NFATC2: variants seen among roughly 807,000 people sequenced by gnomAD.
The protein encoded by NFATC2 is nuclear factor of activated T-cells, cytoplasmic 2.
In NFATC2, 22 loss-of-function variants were observed where a neutral mutation model predicts 87.3. The observed-to-expected ratio is 0.25, with a 90% CI of 0.18 to 0.36. NFATC2 has a LOEUF of 0.36. Among genes scored for constraint, NFATC2 ranks in the 10% least tolerant of loss-of-function variants. The probability of loss-of-function intolerance (pLI) is 1.00; values close to 1 mark genes in which losing one functional copy is unlikely to be tolerated. For synonymous variants in NFATC2, 565 were observed against 542.2 expected, an observed-to-expected ratio of 1.04 and a Z score of -0.58; for missense variants, 1,149 against 1,259.1, an observed-to-expected ratio of 0.91 and a Z score of 1.32.
chr20:51,410,874 T>C (rs1339323760), intron 9 of NFATC2, among the ~76,000 whole-genome samples: 2 of 152,236 alleles, frequency 1.3e-5, no homozygotes, highest in African/African-American at 2.4e-5. Flanking sequence ...TATTTCTTTC[T>C]GGCATTTTTT....
chr20:51,427,406 G>A (rs543552237), intron 9 of NFATC2, among the ~76,000 whole-genome samples: 1 of 152,216 alleles, frequency 6.6e-6, no homozygotes, highest in African/African-American at 2.4e-5. Context: ...CCTGTGTATT[G>A]ATCACATTTG....
Position 51,388,640 on chromosome 20 carries a change from T to C in NFATC2, c.*2856A>G, listed in dbSNP as rs1986017349. ...AAGCATAAAAATACAGGTAAGAAAA[T>C]AAAATTTAATAACATACTAATCTGG... On this transcript the variant is annotated 3_prime_UTR_variant, in exon 11 of 11. Transcript: ENST00000371564. The C allele has an allele frequency of 6.6e-6, 1 of 152,008 alleles. No homozygotes were observed. The highest frequency in any genetic ancestry group is 1.5e-5 in the Non-Finnish European group (1 of 67,974). The allele number at this position is 152,008 out of a possible 1,614,324, so 9.4% of individuals were successfully genotyped here.
intron 8 of NFATC2, among the ~76,000 whole-genome samples, chr20:51,433,948 A>G (rs995441084): frequency 1.3e-5 from 2 of 152,162 alleles, no homozygotes; most frequent in African/African-American, 4.8e-5. Flanking sequence ...AGCCACACTC[A>G]ACCAGACAAG....
At position 51,474,534 on chromosome 20, in the gene NFATC2, A is replaced by T. The variant is rs111606410; in HGVS notation, c.1536-382T>A. ...TATGAGAGCATCCTTGCTCTTAGGA[A>T]ATGCATCCTGAAGTATTTAAAAGTA... On this transcript the variant is annotated intron_variant, in intron 4 of 10. Coordinates refer to ENST00000371564, the MANE Select transcript of NFATC2 (RefSeq NM_012340.5). 4.6e-5 allele frequency among the ~76,000 whole-genome samples: 7 copies of T among 152,354 alleles called. 1 individual carries two copies. The highest frequency in any genetic ancestry group is 1.2e-4 in the African/African-American group (5 of 41,578).
chr20:51,550,422 C>A (rs1192986602), intron 1 of NFATC2, among the ~76,000 whole-genome samples: 1 of 151,882 alleles, frequency 6.6e-6, no homozygotes, highest in East Asian at 1.9e-4. Flanking sequence ...GAAACCCCGT[C>A]TCTACTAAAA....
In NFATC2 at chr20:51,524,782, T is replaced by C. The variant is rs953567436; in HGVS notation, c.131-672A>G. The stretch of plus-strand genomic sequence containing the variant: ...TGTCTCATCTGTGTCATTTTACAAA[T>C]GAGGAAACTGAGGCCCAGAGCGGGG... On this transcript the variant is annotated intron_variant, in intron 1 of 10. Coordinates refer to ENST00000371564, the MANE Select transcript of NFATC2 (RefSeq NM_012340.5). This position sits in a 1 kb window ranked among gnomAD's most constrained non-coding sequence, Gnocchi z 4.0. 6.6e-6 allele frequency among the ~76,000 whole-genome samples: 1 copy of C among 151,966 alleles called. No homozygotes were observed.
In NFATC2 at chr20:51,477,582, A is replaced by T. The variant is rs6063654; in HGVS notation, c.1333-1922T>A. On this transcript the variant is annotated intron_variant, in intron 3 of 10. Coordinates refer to ENST00000371564, the MANE Select transcript of NFATC2 (RefSeq NM_012340.5). The stretch of plus-strand genomic sequence containing the variant: ...ATATATATATATATATATATATATA[A>T]AATAACAAGAGACAAAAGGACATTG... Among the ~76,000 whole-genome samples the T allele has an allele frequency of 1.5e-3, 129 of 87,464 alleles. 1 individual carries two copies. Among genetic ancestry groups the T allele is most frequent in the South Asian group, 2.6e-3 (7 of 2,708 alleles). The allele number at this position is 87,464 out of a possible 152,430, so 57.4% of individuals were successfully genotyped here. A position where few individuals can be genotyped will look rare whatever the true frequency, so the allele number is the denominator to read the frequency against.
intron 5 of NFATC2, among the ~76,000 whole-genome samples, chr20:51,465,366 T>A (rs1432097441): frequency 6.6e-6 from 1 of 151,934 alleles, no homozygotes; most frequent in South Asian, 2.1e-4. Flanking sequence ...GGTGACAGAG[T>A]GAGAATCCGT....
At chr20:51,425,553 C>T (rs1202492804) in intron 9 of NFATC2, among the ~76,000 whole-genome samples, 3 of 152,232 alleles carry the variant, frequency 2.0e-5, no homozygotes, top group African/African-American at 7.2e-5. Context: ...ATCGTGGCTG[C>T]CGGGCTCACG....
At chr20:51,513,021 G>GA (rs2076295917) in intron 3 of NFATC2, among the ~76,000 whole-genome samples, 2 of 148,284 alleles carry the variant, frequency 1.3e-5, no homozygotes, top group South Asian at 4.3e-4. Context: ...TTTCCAAGAA[G>GA]TTTTTTTTTT....
intron 6 of NFATC2, among the ~76,000 whole-genome samples, chr20:51,445,487 A>C (rs967802627): frequency 3.9e-5 from 6 of 152,246 alleles, no homozygotes; most frequent in Non-Finnish European, 1.5e-5. Context: ...CTTGGACTGC[A>C]GAAAACAACG....
At chr20:51,499,438 G>T (rs2076043621) in intron 3 of NFATC2, among the ~76,000 whole-genome samples, 1 of 152,120 alleles carries the variant, frequency 6.6e-6, no homozygotes, top group South Asian at 2.1e-4. Context: ...AGAAGCAGAT[G>T]AGAAAGAGAA....
chr20:51,475,316 C>G (rs769607162), intron 4 of NFATC2, 142 bp downstream of exon 4: 1 of 798,604 alleles, frequency 1.3e-6, no homozygotes. Context: ...GAAATCACAA[C>G]GGGTCGATGG....
chr20:51,464,569 G>T lies in NFATC2; in HGVS notation c.1708+9411C>A, dbSNP rs565374524. On this transcript the variant is annotated intron_variant, in intron 5 of 10. Transcript: ENST00000371564. The stretch of plus-strand genomic sequence containing the variant: ...TCACTTGCCTTCGAGAGCAGAGGCT[G>T]ACAAAGGCCTGGCCAACCTGCTCTC... Among the ~76,000 whole-genome samples the T allele has an allele frequency of 1.6e-3, 248 of 151,662 alleles. 2 individuals carry two copies. The highest frequency in any genetic ancestry group is 5.6e-3 in the African/African-American group (231 of 41,360).
Position 51,391,064 on chromosome 20 carries a change from G to C in NFATC2, c.*432C>G. 2.2e-6 allele frequency: 1 copy of C among 452,988 alleles called. No homozygotes were observed. 28.1% of individuals were successfully genotyped at this position (452,988 alleles called of 1,614,324 possible). A position where few individuals can be genotyped will look rare whatever the true frequency, so the allele number is the denominator to read the frequency against. The stretch of plus-strand genomic sequence containing the variant: ...TTCTGTCCCCCGTCCATCCCCCCAA[G>C]CTCCAGTCACTCTGTTCTCAGGAGA... On this transcript the variant is annotated 3_prime_UTR_variant, in exon 11 of 11. Coordinates refer to ENST00000371564, the MANE Select transcript of NFATC2 (RefSeq NM_012340.5).
intron 9 of NFATC2, among the ~76,000 whole-genome samples, chr20:51,425,408 C>T (rs1205566348): frequency 6.6e-6 from 1 of 152,226 alleles, no homozygotes; most frequent in Non-Finnish European, 1.5e-5. Flanking sequence ...CTGAGATACT[C>T]AGACCGGGCT....
chr20:51,458,088 GCTTGT>G (rs1296910065), intron 5 of NFATC2, among the ~76,000 whole-genome samples: 1 of 152,008 alleles, frequency 6.6e-6, no homozygotes, highest in Admixed American at 6.6e-5. Flanking sequence ...TGTTACTCAG[GCTTGT>G]CTTGAACTCC....
intron 3 of NFATC2, among the ~76,000 whole-genome samples, chr20:51,487,811 A>G (rs985157589): frequency 3.0e-5 from 3 of 101,254 alleles, no homozygotes; most frequent in East Asian, 4.0e-4. Flanking sequence ...CACAAGGGGG[A>G]AAAAAAAAAA....
Position 51,398,673 on chromosome 20 carries a change from ACAGTCATTCT to A in NFATC2, c.*4_*13del. The A allele has an allele frequency of 6.2e-7, 1 of 1,611,816 alleles. No individual in the cohort carries two copies. Among genetic ancestry groups the A allele is most frequent in the South Asian group, 1.1e-5 (1 of 90,728 alleles). On this transcript the variant is annotated 3_prime_UTR_variant, in exon 10 of 11. Transcript: ENST00000371564. ...ACTTTGATTTCTCGGATCAAAGATC[ACAGTCATTCT>A]GTTTCATAATATGTTTTGTATCCAG...
Sources: allele counts gnomAD v4.1 joint callset (sites outside exome capture counted in the v4.1 genomes callset), GRCh38; gene constraint gnomAD v4.1.1; non-coding constraint Gnocchi (gnomAD v3.1); transcripts MANE v1.5; gene names NCBI Gene and HGNC (gene_info 2026-07-23, HGNC 2026-07-21).